VOPP1: variants seen among roughly 807,000 people sequenced by gnomAD.
VOPP1 encodes the protein WW domain binding protein VOPP1.
VOPP1 carries 8 observed loss-of-function variants against 23.5 expected under a neutral mutation model. The observed-to-expected ratio is 0.34, with a 90% CI of 0.20 to 0.61. The LOEUF (loss-of-function observed/expected upper bound fraction) is 0.61, where lower values mean the gene tolerates loss of function less well. VOPP1 is among the 20% of genes least tolerant of loss of function. The pLI is 0.78. For synonymous variants in VOPP1, 83 were observed against 97.3 expected (o/e 0.85, Z 0.86); for missense variants, 174 against 238.1 (o/e 0.73, Z 1.77).
chr7:55,440,397 A>G (rs1490817776), intron 4 of VOPP1, among the ~76,000 whole-genome samples: 1 of 152,208 alleles, frequency 6.6e-6, no homozygotes, highest in East Asian at 1.9e-4. Flanking sequence ...ACTCTGGGCA[A>G]GAGACCATCC....
intron 4 of VOPP1, among the ~76,000 whole-genome samples, chr7:55,462,408 T>C (rs1339800377): frequency 6.6e-6 from 1 of 152,214 alleles, no homozygotes; most frequent in Non-Finnish European, 1.5e-5. Context: ...TTCCAAGATG[T>C]AGGAAGTTTT....
chr7:55,526,104 C>CTTCA (rs1221925653), intron 1 of VOPP1, among the ~76,000 whole-genome samples: 1 of 152,224 alleles, frequency 6.6e-6, no homozygotes, highest in Non-Finnish European at 1.5e-5. Flanking sequence ...AGACAATACG[C>CTTCA]AGAGCCACAT....
intron 2 of VOPP1, among the ~76,000 whole-genome samples, chr7:55,505,435 A>G (rs1232423373): frequency 2.0e-5 from 3 of 152,110 alleles, no homozygotes; most frequent in Non-Finnish European, 4.4e-5. Context: ...CAAGGACTCT[A>G]GGAGTGCGCA....
At chr7:55,503,032 A>G (rs11761444) in intron 2 of VOPP1, among the ~76,000 whole-genome samples, 90,156 of 152,134 alleles carry the variant, frequency 0.59, 28,537 homozygotes, top group Admixed American at 0.69. Flanking sequence ...ATAGCAGCAG[A>G]CATGGGCCCC....
At chr7:55,462,771 T>C (rs1163439854) in intron 4 of VOPP1, among the ~76,000 whole-genome samples, 2 of 149,648 alleles carry the variant, frequency 1.3e-5, no homozygotes, top group African/African-American at 4.9e-5. Context: ...TTCTCCTGCC[T>C]CAGCCTCCCA....
intron 1 of VOPP1, chr7:55,537,629 C>T (rs945116932): frequency 3.9e-6 from 6 of 1,530,268 alleles, no homozygotes; most frequent in Admixed American, 2.0e-5. Context: ...ACGGAGCACA[C>T]ATAAATAAAG....
At chr7:55,514,344 C>T (rs1465209674) in intron 2 of VOPP1, among the ~76,000 whole-genome samples, 1 of 152,238 alleles carries the variant, frequency 6.6e-6, no homozygotes, top group Non-Finnish European at 1.5e-5. Flanking sequence ...TGAAGGTGAT[C>T]TAGCACAGGA....
intron 4 of VOPP1, among the ~76,000 whole-genome samples, chr7:55,489,530 T>C (rs796792577): frequency 1.2e-4 from 18 of 152,182 alleles, no homozygotes; most frequent in African/African-American, 3.6e-4. Flanking sequence ...CACTATAGAG[T>C]TGTTTGCGTG....
chr7:55,489,413 C>T (rs1034343471), intron 4 of VOPP1, among the ~76,000 whole-genome samples: 1 of 152,222 alleles, frequency 6.6e-6, no homozygotes, highest in Admixed American at 6.5e-5. Flanking sequence ...ATCCAAATGG[C>T]TCTTCCGTGG....
At chr7:55,448,559 G>A (rs200805728) in intron 4 of VOPP1, among the ~76,000 whole-genome samples, 1 of 80,388 alleles carries the variant, frequency 1.2e-5, no homozygotes, top group African/African-American at 3.5e-5. Flanking sequence ...CAGTTGGCAG[G>A]AGATCTCAGC....
intron 2 of VOPP1, among the ~76,000 whole-genome samples, chr7:55,514,517 TTTG>T (rs1795280614): frequency 1.3e-5 from 2 of 152,188 alleles, no homozygotes; most frequent in Admixed American, 6.5e-5. Flanking sequence ...TAGGCCACCA[TTTG>T]TCTCCGTTAC....
At chr7:55,503,775 G>A (rs980065355) in intron 2 of VOPP1, among the ~76,000 whole-genome samples, 4 of 152,156 alleles carry the variant, frequency 2.6e-5, no homozygotes, top group East Asian at 1.9e-4. Flanking sequence ...CAGTGCCTAC[G>A]AACCACGGAC....
intron 2 of VOPP1, among the ~76,000 whole-genome samples, chr7:55,507,852 A>G (rs1480153102): frequency 1.3e-5 from 2 of 152,138 alleles, no homozygotes; most frequent in South Asian, 2.1e-4. Context: ...GAAGTCAAAC[A>G]TCTCTGGGTT....
chr7:55,476,900 A>T (rs1792298312), intron 4 of VOPP1, among the ~76,000 whole-genome samples: 1 of 152,184 alleles, frequency 6.6e-6, no homozygotes, highest in Non-Finnish European at 1.5e-5. Flanking sequence ...TGCCCACTTC[A>T]GAGCCTTGTG....
At chr7:55,530,021 G>A (rs907489953) in intron 1 of VOPP1, among the ~76,000 whole-genome samples, 38 of 152,112 alleles carry the variant, frequency 2.5e-4, no homozygotes, top group African/African-American at 8.7e-4. Context: ...ATATCCATTT[G>A]CACACAGGTC....
At chr7:55,548,269 A>G (rs1373044047) in intron 1 of VOPP1, among the ~76,000 whole-genome samples, 4 of 152,214 alleles carry the variant, frequency 2.6e-5, no homozygotes, top group Non-Finnish European at 5.9e-5. Context: ...CAACCCCTAA[A>G]CATGTCAAGT....
intron 4 of VOPP1, among the ~76,000 whole-genome samples, chr7:55,463,525 T>C (rs994561724): frequency 1.3e-5 from 2 of 152,356 alleles, no homozygotes; most frequent in East Asian, 3.9e-4. Flanking sequence ...AGTTTCCATA[T>C]TTCTTCAGCT....
intron 1 of VOPP1, among the ~76,000 whole-genome samples, chr7:55,545,771 T>C (rs1797339691): frequency 6.6e-6 from 1 of 151,964 alleles, no homozygotes; most frequent in Non-Finnish European, 1.5e-5. Flanking sequence ...GAGCTGCAGC[T>C]CTTGTGTTTA....
chr7:55,542,686 A>G (rs1353457007), intron 1 of VOPP1, among the ~76,000 whole-genome samples: 2 of 152,018 alleles, frequency 1.3e-5, no homozygotes, highest in African/African-American at 2.4e-5. Context: ...CTACTTGGGA[A>G]GCTTTAGGCA....
Sources: allele counts gnomAD v4.1 joint callset (sites outside exome capture counted in the v4.1 genomes callset), GRCh38; gene constraint gnomAD v4.1.1; transcripts MANE v1.5; gene names NCBI Gene and HGNC (gene_info 2026-07-23, HGNC 2026-07-21).